RALYL: variants seen among roughly 807,000 people sequenced by gnomAD.
RALYL encodes RNA-binding Raly-like protein.
RALYL carries 29 observed loss-of-function variants against 35.1 expected under a neutral mutation model. That is an observed-to-expected ratio of 0.83 (90% CI 0.61 to 1.13). The LOEUF (loss-of-function observed/expected upper bound fraction) is 1.13, where lower values mean the gene tolerates loss of function less well. Among genes scored for constraint, RALYL ranks in the 50% most tolerant of loss-of-function variants. The pLI is 0.00. For missense variants in RALYL, 359 were observed against 360.4 expected (o/e 1.00, Z 0.03); for synonymous variants, 120 against 127.6 (o/e 0.94, Z 0.40).
chr8:84,899,617 T>C (rs954308109), intron 8 of RALYL, among the ~76,000 whole-genome samples: 9 of 152,202 alleles, frequency 5.9e-5, no homozygotes, highest in Admixed American at 2.0e-4. Flanking sequence ...CACTAGGTCA[T>C]TCAGGCAGCA....
rs918926205 is a variant in RALYL, at chr8:84,529,379, A to G, written c.58A>G (p.Asn20Asp). ...VTNKNDPKSI[N>D]SRVFIGNLNT... ...CAATAAGAATGACCCCAAGTCCATC[A>G]ACTCCCGTGTTTTCATCGGCAATCT... is the stretch of plus-strand genomic sequence containing the variant. The change falls in exon 2 of 9, where the codon AAC becomes GAC. Residue 20 changes from asparagine to aspartate, a missense_variant. By Grantham distance (23) the Asn-to-Asp change is conservative (BLOSUM62 1). Coordinates refer to ENST00000521268, the MANE Select transcript of RALYL (RefSeq NM_173848.7). The G allele has an allele frequency of 1.2e-6, 2 of 1,608,004 alleles. No individual in the cohort carries two copies. The highest frequency in any genetic ancestry group is 2.7e-5 in the African/African-American group (2 of 74,898).
intron 2 of RALYL, among the ~76,000 whole-genome samples, chr8:84,581,534 G>A (rs1810836268): frequency 6.6e-6 from 1 of 152,092 alleles, no homozygotes; most frequent in Non-Finnish European, 1.5e-5. Flanking sequence ...CAGAGAGCTG[G>A]CACATTGGAT....
intron 1 of RALYL, among the ~76,000 whole-genome samples, chr8:84,348,437 G>A (rs1391157745): frequency 1.3e-5 from 2 of 151,986 alleles, no homozygotes; most frequent in Non-Finnish European, 2.9e-5. Context: ...ATGTCCCACT[G>A]ACATTCATTC....
chr8:84,381,972 A>T (rs1359846982), intron 1 of RALYL, among the ~76,000 whole-genome samples: 1 of 151,786 alleles, frequency 6.6e-6, no homozygotes, highest in African/African-American at 2.4e-5. Context: ...TATAAATTTT[A>T]TTGATGATTG....
At chr8:84,304,375 C>A (rs1371266623) in intron 1 of RALYL, among the ~76,000 whole-genome samples, 2 of 151,946 alleles carry the variant, frequency 1.3e-5, no homozygotes, top group African/African-American at 2.4e-5. Context: ...TCTCTGCCTC[C>A]CTAAAGGTTT....
intron 2 of RALYL, among the ~76,000 whole-genome samples, chr8:84,539,332 G>A (rs993187193): frequency 2.6e-5 from 4 of 152,074 alleles, no homozygotes; most frequent in African/African-American, 9.7e-5. Flanking sequence ...CCTAAAAGAA[G>A]GCAAAAGGGC....
At chr8:84,723,358 C>A (rs1406542928) in intron 2 of RALYL, among the ~76,000 whole-genome samples, 1 of 151,936 alleles carries the variant, frequency 6.6e-6, no homozygotes, top group Non-Finnish European at 1.5e-5. Context: ...GCAGTACTGA[C>A]TTACTGTCGA....
intron 4 of RALYL, among the ~76,000 whole-genome samples, chr8:84,817,696 A>G (rs1827680160): frequency 6.6e-6 from 1 of 151,996 alleles, no homozygotes; most frequent in Non-Finnish European, 1.5e-5. Flanking sequence ...CTGGAACTAT[A>G]GGCATGAGCC....
chr8:84,384,806 A>G (rs1410386077), intron 1 of RALYL, among the ~76,000 whole-genome samples: 1 of 151,822 alleles, frequency 6.6e-6, no homozygotes, highest in African/African-American at 2.4e-5. Flanking sequence ...TGATAGCAAT[A>G]TCATGCTCAT....
At chr8:84,590,177 G>C (rs1396860538) in intron 2 of RALYL, among the ~76,000 whole-genome samples, 1 of 152,188 alleles carries the variant, frequency 6.6e-6, no homozygotes, top group African/African-American at 2.4e-5. Context: ...CTGTGCAATG[G>C]TCATCAGAGG....
chr8:84,370,802 CT>C (rs1855524972), intron 1 of RALYL, among the ~76,000 whole-genome samples: 2 of 152,020 alleles, frequency 1.3e-5, no homozygotes, highest in South Asian at 4.2e-4. Flanking sequence ...AATTTATTCA[CT>C]TTGTGGAAGC....
chr8:84,449,084 T>TTG lies in RALYL; in HGVS notation c.-23-80214_-23-80213insGT, dbSNP rs1554671919. Among the ~76,000 whole-genome samples, 214 of 149,844 alleles carry TTG rather than the reference T, an allele frequency of 1.4e-3. 1 individual carries two copies. Among genetic ancestry groups the TTG allele is most frequent in the African/African-American group, 5.0e-3 (200 of 39,692 alleles). ...GTTAGCTGTTAGTTTTTTTGTTTTT[T>TTG]TTTTTTTTTTGCTGGTGTGCTAATT... On this transcript the variant is annotated intron_variant, in intron 1 of 8. Coordinates refer to ENST00000521268, the MANE Select transcript of RALYL (RefSeq NM_173848.7).
chr8:84,225,258 C>G (rs1339103879), intron 1 of RALYL, among the ~76,000 whole-genome samples: 1 of 152,160 alleles, frequency 6.6e-6, no homozygotes, highest in African/African-American at 2.4e-5. Context: ...CATGTCATTT[C>G]TAGCTTAGAT....
chr8:84,799,926 AGCCT>A (rs1456959212), intron 3 of RALYL, among the ~76,000 whole-genome samples: 2 of 152,198 alleles, frequency 1.3e-5, no homozygotes, highest in African/African-American at 4.8e-5. Flanking sequence ...ACTGCACTCC[AGCCT>A]GCCTGGGCAA....
At chr8:84,723,265 C>A (rs1029153043) in intron 2 of RALYL, among the ~76,000 whole-genome samples, 2 of 151,910 alleles carry the variant, frequency 1.3e-5, no homozygotes, top group African/African-American at 4.8e-5. Flanking sequence ...GGAAAAGTTC[C>A]AGCTTTATCT....
rs192463570 is a variant in RALYL at position 84,827,702 on chromosome 8, G to A, written c.366-22278G>A. 1.5e-3 allele frequency among the ~76,000 whole-genome samples: 231 copies of A among 151,972 alleles called. 3 individuals are homozygous for A. The highest frequency in any genetic ancestry group is 7.9e-3 in the South Asian group (38 of 4,822). ...AGTACAATATATTTTATTAAATATC[G>A]CATTCCACTCAATTTTGTAATATTC... On this transcript the variant is annotated intron_variant, in intron 4 of 8. Coordinates refer to ENST00000521268, the MANE Select transcript of RALYL (RefSeq NM_173848.7).
intron 1 of RALYL, among the ~76,000 whole-genome samples, chr8:84,475,565 T>C (rs1243925492): frequency 6.6e-6 from 1 of 152,328 alleles, no homozygotes; most frequent in South Asian, 2.1e-4. Flanking sequence ...AAGATAGAAA[T>C]ATGTGTTTAG....
At chr8:84,833,655 A>AT (rs1272189791) in intron 4 of RALYL, among the ~76,000 whole-genome samples, 1 of 151,628 alleles carries the variant, frequency 6.6e-6, no homozygotes, top group Non-Finnish European at 1.5e-5. Flanking sequence ...AAAAAAAAAA[A>AT]AAAGAAAGAA....
chr8:84,712,052 C>T (rs969167775), intron 2 of RALYL, among the ~76,000 whole-genome samples: 2 of 152,082 alleles, frequency 1.3e-5, no homozygotes, highest in African/African-American at 4.8e-5. Flanking sequence ...TTGGTAAAGG[C>T]TCTCTAGAGG....
Sources: gnomAD v4.1 joint callset for allele counts (sites outside exome capture counted in the v4.1 genomes callset) on GRCh38, gnomAD v4.1.1 for gene constraint, MANE v1.5 for transcripts, NCBI Gene and HGNC (gene_info 2026-07-23, HGNC 2026-07-21) for gene names.